The following PBX1 variants were observed in gnomAD, a reference collection of about 807,000 sequenced individuals.
The protein encoded by PBX1 is PBX homeobox 1.
PBX1 carries 6 observed loss-of-function variants against 53.4 expected under a neutral mutation model. The ratio of observed to expected loss-of-function variants is 0.11; its 90% confidence interval spans 0.06 to 0.22. The LOEUF (loss-of-function observed/expected upper bound fraction) is 0.22, where lower values mean the gene tolerates loss of function less well. PBX1 is among the 10% of genes least tolerant of loss of function. PBX1 has a pLI of 1.00. For missense variants in PBX1, 251 were observed against 551.4 expected (o/e 0.46, Z 5.46); for synonymous variants, 204 against 212.3 (o/e 0.96, Z 0.34).
chr1:164,584,526 T>A (rs1654827932), intron 2 of PBX1, among the ~76,000 whole-genome samples: 1 of 152,202 alleles, frequency 6.6e-6, no homozygotes, highest in Admixed American at 6.5e-5. Flanking sequence ...AGTTAAGTGC[T>A]CAGAGAGAAA....
At chr1:164,830,290 A>G (rs1176675763) in intron 8 of PBX1, among the ~76,000 whole-genome samples, 1 of 152,240 alleles carries the variant, frequency 6.6e-6, no homozygotes, top group East Asian at 1.9e-4. Flanking sequence ...ATCACATGTA[A>G]ATTGCAAAAT....
intron 2 of PBX1, among the ~76,000 whole-genome samples, chr1:164,702,482 G>A (rs1406119580): frequency 5.3e-5 from 8 of 152,152 alleles, no homozygotes; most frequent in Non-Finnish European, 1.2e-4. Flanking sequence ...TATTGGAGTT[G>A]ACTCTTCATT....
intron 2 of PBX1, among the ~76,000 whole-genome samples, chr1:164,576,286 G>A (rs1317075290): frequency 6.6e-6 from 1 of 152,202 alleles, no homozygotes; most frequent in Non-Finnish European, 1.5e-5. Context: ...TAGATTAGAG[G>A]AGAGGGCTAG....
intron 8 of PBX1, among the ~76,000 whole-genome samples, chr1:164,837,355 T>G (rs1671091369): frequency 6.6e-6 from 1 of 152,210 alleles, no homozygotes; most frequent in Admixed American, 6.5e-5. Context: ...AAGAATACCC[T>G]TACTTGAATT....
chr1:164,834,025 GTA>G (rs912037957), intron 8 of PBX1, among the ~76,000 whole-genome samples: 2 of 136,544 alleles, frequency 1.5e-5, no homozygotes, highest in Non-Finnish European at 3.1e-5. Context: ...GTATATATAT[GTA>G]TATGTGTGTG....
At chr1:164,631,412 AGG>A (rs2101879493) in intron 2 of PBX1, among the ~76,000 whole-genome samples, 1 of 152,224 alleles carries the variant, frequency 6.6e-6, no homozygotes, top group East Asian at 1.9e-4. Flanking sequence ...TGGGAGCTGG[AGG>A]AGAGGGACAA....
intron 2 of PBX1, among the ~76,000 whole-genome samples, chr1:164,580,600 G>C (rs1266726450): frequency 6.6e-6 from 1 of 151,510 alleles, no homozygotes; most frequent in Non-Finnish European, 1.5e-5. Context: ...TTTTGAGATG[G>C]AGTTTTGCTC....
chr1:164,576,524 C>T (rs1381096097), intron 2 of PBX1, among the ~76,000 whole-genome samples: 1 of 152,240 alleles, frequency 6.6e-6, no homozygotes, highest in East Asian at 1.9e-4. Context: ...CCGCACGTCA[C>T]CGGCCGCCAG....
chr1:164,561,199 AC>A (rs1304131256), intron 1 of PBX1, among the ~76,000 whole-genome samples: 1 of 152,204 alleles, frequency 6.6e-6, no homozygotes, highest in Non-Finnish European at 1.5e-5. Context: ...CAACTCCTAT[AC>A]TTCAGATGAC....
At chr1:164,787,181 CAA>C (rs796412217) in intron 2 of PBX1, among the ~76,000 whole-genome samples, 10 of 152,270 alleles carry the variant, frequency 6.6e-5, no homozygotes, top group African/African-American at 2.4e-4. Flanking sequence ...ACAAATCAAA[CAA>C]AGAGATCAGC....
Position 164,869,530 on chromosome 1 carries a change from T to C in PBX1, n.258-29658T>C, listed in dbSNP as rs867262458. Among the ~76,000 whole-genome samples, 38 of 152,330 alleles carry C rather than the reference T, an allele frequency of 2.5e-4. 1 individual carries two copies. In the Middle Eastern group the frequency reaches 0.01, roughly 41 times the overall value. ...TCATCCTAGCCAGCCCTGCTGTCACTCATTTAATGAGAGTTTACCGAGCAC... is the reference window on the plus strand; with the variant it reads ...TCATCCTAGCCAGCCCTGCTGTCACCCATTTAATGAGAGTTTACCGAGCAC... On this transcript the variant is annotated intron_variant and non_coding_transcript_variant, in intron 2 of 2. Transcript: ENST00000558796.
At chr1:164,731,240 T>C (rs1410318625) in intron 2 of PBX1, among the ~76,000 whole-genome samples, 4 of 152,002 alleles carry the variant, frequency 2.6e-5, no homozygotes, top group Non-Finnish European at 5.9e-5. Flanking sequence ...TCTTTTGCCA[T>C]TTTCCTACCC....
chr1:164,587,006 T>C (rs906898559), intron 2 of PBX1, among the ~76,000 whole-genome samples: 2 of 152,166 alleles, frequency 1.3e-5, no homozygotes, highest in African/African-American at 4.8e-5. Context: ...AGCTCTGCGT[T>C]GTAAGGATGT....
chr1:164,881,164 A>G (rs1487844608), intron 2 of PBX1, among the ~76,000 whole-genome samples: 2 of 152,142 alleles, frequency 1.3e-5, no homozygotes, highest in African/African-American at 4.8e-5. Flanking sequence ...GAGTCTGGAG[A>G]GAAGTGGGGA....
Position 164,847,580 on chromosome 1 carries a change from T to G in PBX1, c.*904T>G. The stretch of plus-strand genomic sequence containing the variant: ...TGCATCAGCAAGGAATAGAAAGTTC[T>G]TATCGTGAAACCCTTCAACCTCAAC... On this transcript the variant is annotated 3_prime_UTR_variant, in exon 9 of 9. Coordinates refer to ENST00000420696, the MANE Select transcript of PBX1 (RefSeq NM_002585.4). The G allele has an allele frequency of 9.4e-7, 1 of 1,063,098 alleles. No homozygotes were observed. Among genetic ancestry groups the G allele is most frequent in the Non-Finnish European group, 1.1e-6 (1 of 877,934 alleles). The allele number at this position is 1,063,098 out of a possible 1,614,324, so 65.9% of individuals were successfully genotyped here.
intron 2 of PBX1, among the ~76,000 whole-genome samples, chr1:164,565,908 A>C (rs2101696126): frequency 6.6e-6 from 1 of 152,248 alleles, no homozygotes; most frequent in South Asian, 2.1e-4. Context: ...TTCCATCTCA[A>C]GCATTATAAT....
chr1:164,782,952 T>C (rs1290045804), intron 2 of PBX1, among the ~76,000 whole-genome samples: 1 of 152,210 alleles, frequency 6.6e-6, no homozygotes, highest in African/African-American at 2.4e-5. Flanking sequence ...GTCTTTACCC[T>C]CTTCTGGTTA....
intron 2 of PBX1, among the ~76,000 whole-genome samples, chr1:164,656,928 G>A (rs761255320): frequency 2.6e-5 from 4 of 152,094 alleles, no homozygotes; most frequent in Admixed American, 2.6e-4. Context: ...TGGGTTGACT[G>A]TGGATTGTAT....
At chr1:164,853,194 G>A (rs1671898101), downstream of PBX1, among the ~76,000 whole-genome samples, 1 of 152,194 alleles carries the variant, frequency 6.6e-6, no homozygotes, top group African/African-American at 2.4e-5. Flanking sequence ...GAAAGGGTGT[G>A]AAGAAGGCCC....
Sources: gnomAD v4.1 joint callset for allele counts (sites outside exome capture counted in the v4.1 genomes callset) on GRCh38, gnomAD v4.1.1 for gene constraint, MANE v1.5 for transcripts, NCBI Gene and HGNC (gene_info 2026-07-23, HGNC 2026-07-21) for gene names.